The following SGIP1 variants were observed in gnomAD, a reference collection of about 807,000 sequenced individuals.
The protein encoded by SGIP1 is SH3GL interacting endocytic adaptor 1.
In SGIP1, 38 loss-of-function variants were observed where a neutral mutation model predicts 107.5. The ratio of observed to expected loss-of-function variants is 0.35; its 90% CI spans 0.27 to 0.46. The LOEUF is 0.46. Among genes scored for constraint, SGIP1 ranks in the 20% least tolerant of loss-of-function variants. The pLI, the probability that SGIP1 is intolerant of heterozygous loss-of-function variation, is 1.00. For missense variants in SGIP1, 929 were observed against 1,019.5 expected (o/e 0.91, Z 1.21); for synonymous variants, 365 against 366.1 (o/e 1.00, Z 0.03).
At chr1:66,713,713 A>G (rs2093059575) in intron 18 of SGIP1, among the ~76,000 whole-genome samples, 1 of 152,144 alleles carries the variant, frequency 6.6e-6, no homozygotes, top group African/African-American at 2.4e-5. Flanking sequence ...ACCTAGCACA[A>G]TGTCTAATTA....
chr1:66,674,863 A>T (rs1440333750), intron 12 of SGIP1, among the ~76,000 whole-genome samples: 1 of 152,206 alleles, frequency 6.6e-6, no homozygotes, highest in African/African-American at 2.4e-5. Context: ...GTAGCCAGCT[A>T]AAATTCTGTT....
chr1:66,630,811 GAA>G, intron 2 of SGIP1, among the ~76,000 whole-genome samples: 1 of 4,856 alleles, frequency 2.1e-4, no homozygotes, highest in African/African-American at 1.2e-3. Context: ...CGGAAAGAAA[GAA>G]AGAAAGAAAG....
intron 1 of SGIP1, among the ~76,000 whole-genome samples, chr1:66,562,436 T>A (rs920420148): frequency 1.3e-5 from 2 of 151,868 alleles, no homozygotes; most frequent in African/African-American, 4.8e-5. Flanking sequence ...AGGGAAGAAT[T>A]CTGGGGAATG....
chr1:66,651,030 A>G (rs2078653643), intron 7 of SGIP1, among the ~76,000 whole-genome samples: 1 of 152,194 alleles, frequency 6.6e-6, no homozygotes, highest in African/African-American at 2.4e-5. Flanking sequence ...GGTTAATAAT[A>G]CTGCCCACTT....
At chr1:66,734,565 C>T (rs1421969850) in intron 21 of SGIP1, among the ~76,000 whole-genome samples, 2 of 148,280 alleles carry the variant, frequency 1.3e-5, no homozygotes, top group African/African-American at 5.0e-5. Flanking sequence ...AGTGCAGTGG[C>T]ACAATCTTGG....
At chr1:66,592,399 T>C (rs2063788934) in intron 1 of SGIP1, among the ~76,000 whole-genome samples, 1 of 152,202 alleles carries the variant, frequency 6.6e-6, no homozygotes, top group Non-Finnish European at 1.5e-5. Context: ...ACACAGCACA[T>C]GTCTCTGAGG....
chr1:66,612,220 T>C (rs2068177812), intron 1 of SGIP1, among the ~76,000 whole-genome samples: 1 of 152,092 alleles, frequency 6.6e-6, no homozygotes, highest in Non-Finnish European at 1.5e-5. Context: ...CCAGCTCTCA[T>C]AGAAATTAAC....
chr1:66,715,750 T>C lies in SGIP1; in HGVS notation c.1631-3544T>C, dbSNP rs1235352095. On this transcript the variant is annotated intron_variant, in intron 18 of 24. Coordinates refer to ENST00000371037, the MANE Select transcript of SGIP1 (RefSeq NM_032291.4). ...ATGATCAACTAAAACCTCCAGGTGC[T>C]TTTTTTCACATATTCTTCTACCAAG... Among the ~76,000 whole-genome samples, 3 of 152,110 alleles carry C rather than the reference T, an allele frequency of 2.0e-5. No individual in the cohort carries two copies. In the East Asian group the frequency reaches 5.8e-4, roughly 29 times the overall value.
intron 1 of SGIP1, among the ~76,000 whole-genome samples, chr1:66,584,366 C>CT (rs900181980): frequency 2.0e-5 from 3 of 152,132 alleles, no homozygotes; most frequent in Non-Finnish European, 2.9e-5. Flanking sequence ...AAGCAAATCT[C>CT]TGAATCTTTA....
chr1:66,687,674 G>A (rs1327166246), intron 15 of SGIP1, among the ~76,000 whole-genome samples: 1 of 152,196 alleles, frequency 6.6e-6, no homozygotes, highest in Admixed American at 6.5e-5. Context: ...ATATCTCTCA[G>A]CTTCAGATTC....
At chr1:66,696,203 T>C (rs1179643023) in intron 18 of SGIP1, among the ~76,000 whole-genome samples, 2 of 152,204 alleles carry the variant, frequency 1.3e-5, no homozygotes, top group Non-Finnish European at 1.5e-5. Context: ...ATTCTTCTGT[T>C]TTATATTTAA....
intron 17 of SGIP1, 163 bp from the exon 18 acceptor site, chr1:66,695,271 A>AAAAAAAAAAAAAATT: frequency 1.3e-5 from 17 of 1,325,898 alleles, no homozygotes; most frequent in South Asian, 2.0e-5. Context: ...AAAAAAAAAA[A>AAAAAAAAAAAAAATT]GTGTAGATTG....
At chr1:66,642,745 A>G in intron 5 of SGIP1, 65 bp from the exon 6 acceptor site, 5 of 1,392,740 alleles carry the variant, frequency 3.6e-6, no homozygotes, top group East Asian at 2.3e-5. Flanking sequence ...AAGACTCTAG[A>G]AAAAAAATAA....
intron 3 of SGIP1, among the ~76,000 whole-genome samples, chr1:66,633,876 AT>A (rs1246290072): frequency 2.0e-5 from 3 of 152,176 alleles, no homozygotes; most frequent in African/African-American, 4.8e-5. Context: ...TGGTTAAAAA[AT>A]TTTTTAAATC....
intron 1 of SGIP1, among the ~76,000 whole-genome samples, chr1:66,598,318 G>C (rs987097072): frequency 6.6e-6 from 1 of 152,180 alleles, no homozygotes; most frequent in Non-Finnish European, 1.5e-5. Flanking sequence ...AAGCCCCTGA[G>C]TACCTACTGT....
intron 1 of SGIP1, among the ~76,000 whole-genome samples, chr1:66,573,361 A>C (rs1300409828): frequency 6.6e-6 from 1 of 152,126 alleles, no homozygotes; most frequent in Non-Finnish European, 1.5e-5. Context: ...CTTTCCTCAA[A>C]GACTTAAAAA....
rs2089256712 is a variant in SGIP1, at chr1:66,689,188, T to A, written c.1356T>A (p.Pro452=). 1 of 1,613,692 alleles carries A rather than the reference T, an allele frequency of 6.2e-7. No homozygotes were observed. Among genetic ancestry groups the A allele is most frequent in the Non-Finnish European group, 8.5e-7 (1 of 1,179,842 alleles). Residue 452 remains proline (P), a synonymous_variant, in exon 16 of 25, where the codon CCT becomes CCA. Coordinates refer to ENST00000371037, the MANE Select transcript of SGIP1 (RefSeq NM_032291.4). The stretch of plus-strand genomic sequence containing the variant: ...CTCGACCAGCCACTCCTTTGGTTCC[T>A]TGCAGAAGTACCACTCCACCTCCAC... ...SPARPATPLV[P]CRSTTPPPPP...
intron 15 of SGIP1, among the ~76,000 whole-genome samples, chr1:66,686,006 T>C (rs1042708107): frequency 1.4e-5 from 2 of 147,438 alleles, no homozygotes; most frequent in African/African-American, 5.4e-5. Context: ...TGGGAAAGGT[T>C]GTTTAGTTTT....
intron 15 of SGIP1, among the ~76,000 whole-genome samples, chr1:66,684,795 A>C (rs781692802): frequency 1.3e-5 from 2 of 152,168 alleles, no homozygotes; most frequent in African/African-American, 2.4e-5. Flanking sequence ...TCTTTCTGGA[A>C]TTTTTGAGAG....
Sources: gnomAD v4.1 joint callset for allele counts (sites outside exome capture counted in the v4.1 genomes callset) on GRCh38, gnomAD v4.1.1 for gene constraint, MANE v1.5 for transcripts, NCBI Gene and HGNC (gene_info 2026-07-23, HGNC 2026-07-21) for gene names.